PDE8A: variants seen among roughly 807,000 people sequenced by gnomAD.
PDE8A encodes high affinity cAMP-specific and IBMX-insensitive 3',5'-cyclic phosphodiesterase 8A.
Under a neutral mutation model 105.0 loss-of-function variants are expected in PDE8A, and 59 were observed. The ratio of observed to expected loss-of-function variants is 0.56; its 90% CI spans 0.46 to 0.70. The LOEUF is 0.70. PDE8A is among the 30% of genes least tolerant of loss of function. PDE8A has a pLI of 0.00. For synonymous variants in PDE8A, 355 were observed against 371.9 expected (o/e 0.95, Z 0.52); for missense variants, 1,014 against 1,045.9 (o/e 0.97, Z 0.42).
intron 1 of PDE8A, among the ~76,000 whole-genome samples, chr15:85,006,264 TATTATA>T (rs1221768728): frequency 2.0e-5 from 3 of 151,746 alleles, no homozygotes; most frequent in Non-Finnish European, 4.4e-5. Flanking sequence ...AAAGTATTAT[TATTATA>T]ATAATAATAA....
intron 4 of PDE8A, 83 bp downstream of exon 4, chr15:85,076,001 T>A: frequency 2.6e-6 from 2 of 754,732 alleles, no homozygotes; most frequent in Non-Finnish European, 4.6e-6. Context: ...ACAGCTTGCA[T>A]GCTGTGTCAG....
intron 1 of PDE8A, among the ~76,000 whole-genome samples, chr15:85,026,556 T>C (rs1288337900): frequency 1.3e-5 from 2 of 152,132 alleles, no homozygotes; most frequent in African/African-American, 4.8e-5. Context: ...GTGGATGCTA[T>C]CTCAAGCCTG....
intron 9 of PDE8A, among the ~76,000 whole-genome samples, chr15:85,098,666 AATG>A (rs1227446634): frequency 6.6e-6 from 1 of 152,230 alleles, no homozygotes; most frequent in African/African-American, 2.4e-5. Flanking sequence ...AAAAAGTAGA[AATG>A]ATGATCATAG....
At chr15:85,066,609 C>CACAA in intron 2 of PDE8A, among the ~76,000 whole-genome samples, 1 of 89,872 alleles carries the variant, frequency 1.1e-5, no homozygotes, top group African/African-American at 6.6e-5. Context: ...CACACACACA[C>CACAA]ACACACACAC....
chr15:85,075,778 C>A (rs2081371707), intron 3 of PDE8A, 84 bp from the exon 4 acceptor site: 2 of 756,818 alleles, frequency 2.6e-6, no homozygotes, highest in Non-Finnish European at 4.3e-6. Context: ...CCTCTTCCAA[C>A]TTTAATTGTT....
chr15:85,090,696 AC>A, intron 7 of PDE8A: 1 of 283,462 alleles, frequency 3.5e-6, no homozygotes, highest in Non-Finnish European at 7.2e-6. Flanking sequence ...TCATCCCCCC[AC>A]CCCCACCCCC....
intron 20 of PDE8A, among the ~76,000 whole-genome samples, chr15:85,128,870 A>G (rs2082294189): frequency 6.6e-6 from 1 of 152,246 alleles, no homozygotes; most frequent in Non-Finnish European, 1.5e-5. Context: ...AAAAATGGGA[A>G]AGGCTGACAA....
chr15:85,111,563 T>C (rs1596529915), intron 12 of PDE8A, among the ~76,000 whole-genome samples: 1 of 152,380 alleles, frequency 6.6e-6, no homozygotes, highest in East Asian at 1.9e-4. Context: ...TCTGTTTGTT[T>C]ACGCTTGTAC....
chr15:85,056,748 G>T (rs2081066110), intron 1 of PDE8A, among the ~76,000 whole-genome samples: 1 of 152,136 alleles, frequency 6.6e-6, no homozygotes. Context: ...TTTGCAGTGG[G>T]TTCAGACATC....
intron 20 of PDE8A, among the ~76,000 whole-genome samples, chr15:85,130,674 A>C (rs1474491534): frequency 6.6e-6 from 1 of 152,188 alleles, no homozygotes; most frequent in Non-Finnish European, 1.5e-5. Context: ...TTATTTTAGA[A>C]GTATCTGTTT....
intron 1 of PDE8A, among the ~76,000 whole-genome samples, chr15:85,048,882 C>G (rs575813541): frequency 2.6e-5 from 4 of 152,346 alleles, no homozygotes; most frequent in African/African-American, 9.6e-5. Flanking sequence ...AGACAGATCA[C>G]TTGAGGTCAG....
intron 1 of PDE8A, among the ~76,000 whole-genome samples, chr15:85,045,357 A>T (rs368227399): frequency 1.3e-5 from 2 of 152,226 alleles, no homozygotes; most frequent in Admixed American, 6.5e-5. Flanking sequence ...CTAGATACAG[A>T]TTACGGCCAG....
At chr15:85,083,129 C>T (rs928195891) in intron 5 of PDE8A, among the ~76,000 whole-genome samples, 1 of 152,192 alleles carries the variant, frequency 6.6e-6, no homozygotes, top group Non-Finnish European at 1.5e-5. Flanking sequence ...TATATTTTCG[C>T]TTATTGTAAA....
intron 1 of PDE8A, among the ~76,000 whole-genome samples, chr15:84,996,610 A>C (rs2079980593): frequency 6.6e-6 from 1 of 152,100 alleles, no homozygotes. Flanking sequence ...AAACCACCTG[A>C]GGTCGTAAGT....
Position 85,079,161 on chromosome 15 carries a change from A to G in PDE8A, c.546+2374A>G, listed in dbSNP as rs111334979. Among the ~76,000 whole-genome samples, 1,314 of 152,332 alleles carry G rather than the reference A, an allele frequency of 8.6e-3. 23 individuals carry two copies. Among genetic ancestry groups the G allele is most frequent in the African/African-American group, 0.03 (1,256 of 41,566 alleles). ...TATGTATAAGATTAGTCCCAAACAGATAAACATAGACTAGAATATATAATA... is the reference window on the plus strand; with the variant it reads ...TATGTATAAGATTAGTCCCAAACAGGTAAACATAGACTAGAATATATAATA... On this transcript the variant is annotated intron_variant, in intron 5 of 21. Coordinates refer to ENST00000394553, the MANE Select transcript of PDE8A (RefSeq NM_002605.3).
intron 1 of PDE8A, among the ~76,000 whole-genome samples, chr15:85,031,666 A>G (rs1449477393): frequency 6.6e-6 from 1 of 152,212 alleles, no homozygotes; most frequent in Non-Finnish European, 1.5e-5. Context: ...TTCCAAATCT[A>G]TAATTAGGAA....
chr15:85,117,881 G>C (rs370771429), intron 17 of PDE8A, 42 bp downstream of exon 17: 29 of 1,454,726 alleles, frequency 2.0e-5, no homozygotes, highest in Non-Finnish European at 2.8e-5. Flanking sequence ...GGCAGGAGCA[G>C]TGGGGAGAGT....
Position 85,100,182 on chromosome 15 carries a change from GT to G in PDE8A, c.1021del (p.Ser341LeufsTer20). The G allele has an allele frequency of 6.2e-7, 1 of 1,613,720 alleles. No homozygotes were observed. The highest frequency in any genetic ancestry group is 8.5e-7 in the Non-Finnish European group (1 of 1,179,572). ...CTGAGAAAATATCCGAATGTGTTCA[GT>G]CTGACACTCATACAGGTACGGTGCC... is the stretch of plus-strand genomic sequence containing the variant. ...KAEKISECVQ[S>X]DTHTDNQTGK... On this transcript the variant is annotated frameshift_variant, in exon 11 of 22. Coordinates refer to ENST00000394553, the MANE Select transcript of PDE8A (RefSeq NM_002605.3). LOFTEE classifies it high-confidence loss of function.
At chr15:85,001,934 G>T (rs1483743100) in intron 1 of PDE8A, among the ~76,000 whole-genome samples, 2 of 152,098 alleles carry the variant, frequency 1.3e-5, no homozygotes, top group African/African-American at 4.8e-5. Flanking sequence ...CAATCCAGGG[G>T]GCTTGAGGTT....
Sources: allele counts gnomAD v4.1 joint callset (sites outside exome capture counted in the v4.1 genomes callset), GRCh38; gene constraint gnomAD v4.1.1; transcripts MANE v1.5; gene names NCBI Gene and HGNC (gene_info 2026-07-23, HGNC 2026-07-21).